ARB2A: variants seen among roughly 807,000 people sequenced by gnomAD.
The protein encoded by ARB2A is cotranscriptional regulator ARB2A.
chr5:94,107,862 G>A, the ARB2A span, among the ~76,000 whole-genome samples: 8 of 152,054 alleles, frequency 5.3e-5, no homozygotes, highest in Admixed American at 3.3e-4. Flanking sequence ...TCTCAATTCC[G>A]AACCACATAC....
chr5:94,081,677 G>GTT, the ARB2A span, among the ~76,000 whole-genome samples: 1 of 152,116 alleles, frequency 6.6e-6, no homozygotes, highest in Non-Finnish European at 1.5e-5. Flanking sequence ...TTGACTAATA[G>GTT]TTTTCAGGAG....
the ARB2A span, among the ~76,000 whole-genome samples, chr5:93,841,862 T>C: frequency 3.1e-4 from 47 of 152,264 alleles, no homozygotes; most frequent in Non-Finnish European, 5.0e-4. Context: ...GTGGGCCAGG[T>C]TGACATGAAA....
At chr5:93,872,164 T>C in the ARB2A span, among the ~76,000 whole-genome samples, 2 of 152,070 alleles carry the variant, frequency 1.3e-5, no homozygotes, top group African/African-American at 4.8e-5. Context: ...GCCACGCTGG[T>C]CTTGAAATCC....
At chr5:94,050,660 C>T in the ARB2A span, 1 of 1,154,262 alleles carries the variant, frequency 8.7e-7, no homozygotes, top group Non-Finnish European at 1.2e-6. Flanking sequence ...TAAACTGCTG[C>T]ATCTTCAAAA....
chr5:93,898,887 C>G, the ARB2A span, among the ~76,000 whole-genome samples: 1 of 152,112 alleles, frequency 6.6e-6, no homozygotes, highest in Admixed American at 6.6e-5. Flanking sequence ...TATCATCTCA[C>G]TTAATCATTC....
chr5:93,702,579 G>C, the ARB2A span, among the ~76,000 whole-genome samples: 2 of 152,076 alleles, frequency 1.3e-5, no homozygotes, highest in Non-Finnish European at 2.9e-5. Context: ...ATTCAGAAAA[G>C]TATCTGACAT....
At chr5:93,973,606 C>A in the ARB2A span, among the ~76,000 whole-genome samples, 1 of 152,118 alleles carries the variant, frequency 6.6e-6, no homozygotes, top group South Asian at 2.1e-4. Flanking sequence ...TTCCCCAAGA[C>A]ACACAGTCAT....
the ARB2A span, chr5:93,781,807 T>C: frequency 8.5e-6 from 7 of 827,252 alleles, no homozygotes; most frequent in East Asian, 8.7e-4. Context: ...ATATGTTTAT[T>C]GGCCACTTAC....
chr5:93,718,886 G>A, the ARB2A span, among the ~76,000 whole-genome samples: 1 of 151,876 alleles, frequency 6.6e-6, no homozygotes, highest in Non-Finnish European at 1.5e-5. Context: ...CTATTTCACT[G>A]GAAACCATCT....
chr5:94,071,664 A>G, the ARB2A span, among the ~76,000 whole-genome samples: 1 of 152,174 alleles, frequency 6.6e-6, no homozygotes, highest in South Asian at 2.1e-4. Context: ...CTAGTGAGAT[A>G]TCACTATGTA....
chr5:93,979,361 T>A, the ARB2A span, among the ~76,000 whole-genome samples: 8 of 152,260 alleles, frequency 5.3e-5, no homozygotes, highest in South Asian at 2.1e-4. Context: ...ACAAATTTAG[T>A]ATTACACCAG....
the ARB2A span, chr5:93,743,152 CAGATATGGCCTTGA>C: frequency 6.6e-6 from 1 of 152,174 alleles, no homozygotes; most frequent in Admixed American, 6.5e-5. Context: ...GGTTGGGTTG[CAGATATGGCCTTGA>C]AGCAATGGTA....
the ARB2A span, among the ~76,000 whole-genome samples, chr5:93,873,181 A>G: frequency 6.6e-6 from 1 of 151,588 alleles, no homozygotes; most frequent in African/African-American, 2.4e-5. Context: ...AGTCCCAGCT[A>G]CTTGGAAGGC....
the ARB2A span, chr5:94,050,805 C>T: frequency 6.2e-7 from 1 of 1,611,902 alleles, no homozygotes; most frequent in Non-Finnish European, 8.5e-7. Flanking sequence ...AATGGTTCCC[C>T]AGTTTTTATG....
chr5:93,634,131 C>T, the ARB2A span, among the ~76,000 whole-genome samples: 6 of 151,916 alleles, frequency 3.9e-5, no homozygotes, highest in African/African-American at 1.5e-4. Flanking sequence ...GGCCGGGCGC[C>T]GTGGCTCATG....
chr5:93,985,252 T>A, the ARB2A span, among the ~76,000 whole-genome samples: 2 of 152,208 alleles, frequency 1.3e-5, no homozygotes, highest in African/African-American at 4.8e-5. Context: ...TCTTCATTCT[T>A]TTTTACTAGT....
At chr5:94,006,136 T>A in the ARB2A span, among the ~76,000 whole-genome samples, 1 of 152,174 alleles carries the variant, frequency 6.6e-6, no homozygotes, top group Non-Finnish European at 1.5e-5. Context: ...AACTCAGATG[T>A]CCACCAAGCT....
At chr5:93,916,533 T>G in the ARB2A span, among the ~76,000 whole-genome samples, 4 of 152,138 alleles carry the variant, frequency 2.6e-5, no homozygotes, top group Admixed American at 2.6e-4. Context: ...CTATTTCAAG[T>G]GTGGTGTGAG....
the ARB2A span, among the ~76,000 whole-genome samples, chr5:93,783,035 G>C: frequency 6.6e-6 from 1 of 151,984 alleles, no homozygotes. Flanking sequence ...TCTGATTTTT[G>C]AAAGGAACAC....
Sources: allele counts gnomAD v4.1 joint callset (sites outside exome capture counted in the v4.1 genomes callset), GRCh38; gene constraint gnomAD v4.1.1; transcripts MANE v1.5; gene names NCBI Gene and HGNC (gene_info 2026-07-23, HGNC 2026-07-21).